The following CPEB2 variants were observed in gnomAD, a reference collection of about 807,000 sequenced individuals.
CPEB2 encodes cytoplasmic polyadenylation element-binding protein 2.
In CPEB2, 56 loss-of-function variants were observed where a neutral mutation model predicts 93.6. The observed-to-expected ratio is 0.60, with a 90% CI of 0.48 to 0.75. The LOEUF is 0.75. Ranked by LOEUF, CPEB2 falls within the 30% of genes least tolerant of loss-of-function variation. The probability of loss-of-function intolerance (pLI) is 0.00; values close to 1 mark genes in which losing one functional copy is unlikely to be tolerated. For synonymous variants in CPEB2, 764 were observed against 586.3 expected (o/e 1.30, Z -4.38); for missense variants, 1,579 against 1,395.1 (o/e 1.13, Z -2.10).
intron 11 of CPEB2, among the ~76,000 whole-genome samples, chr4:15,064,283 G>A (rs1729480302): frequency 6.6e-6 from 1 of 152,132 alleles, no homozygotes; most frequent in South Asian, 2.1e-4. Flanking sequence ...TAGTGTTAAT[G>A]AAACTTCCTT....
intron 4 of CPEB2, among the ~76,000 whole-genome samples, chr4:15,024,305 G>A (rs565002016): frequency 6.6e-6 from 1 of 151,880 alleles, no homozygotes; most frequent in East Asian, 1.9e-4. Flanking sequence ...TGTTGGACCT[G>A]TATTACCTTC....
At chr4:15,064,977 C>A (rs1033619257) in intron 11 of CPEB2, among the ~76,000 whole-genome samples, 3 of 151,928 alleles carry the variant, frequency 2.0e-5, no homozygotes, top group African/African-American at 7.3e-5. Flanking sequence ...AGAAAATATG[C>A]AAAAGATACA....
chr4:15,004,616 T>A (rs942217611), intron 1 of CPEB2, among the ~76,000 whole-genome samples: 6 of 151,552 alleles, frequency 4.0e-5, no homozygotes, highest in Non-Finnish European at 7.4e-5. Flanking sequence ...CCCTCGAACG[T>A]CCCGGCGCAG....
chr4:15,003,330 C>T lies in CPEB2; in HGVS notation c.657C>T (p.Leu219=). ...CGCCGCCGCCAGCCGGCCCGCTCCT[C>T]CAGCCGGCGCAGCTCGCTCAGCGCC... The part of the protein sequence containing the change: ...SPPPPPAGPL[L]QPAQLAQRQQ... Residue 219 remains leucine, a synonymous_variant, in exon 1 of 12, where the codon CTC becomes CTT. Transcript: ENST00000538197. The T allele has an allele frequency of 7.1e-7, 1 of 1,405,758 alleles. No homozygotes were observed. Among genetic ancestry groups the T allele is most frequent in the Non-Finnish European group, 9.1e-7 (1 of 1,093,822 alleles). 87.1% of individuals were successfully genotyped at this position (1,405,758 alleles called of 1,614,324 possible). A position where few individuals can be genotyped will look rare whatever the true frequency, so the allele number is the denominator to read the frequency against.
chr4:15,007,883 A>G (rs915141890), intron 2 of CPEB2, among the ~76,000 whole-genome samples: 2 of 152,200 alleles, frequency 1.3e-5, no homozygotes, highest in Admixed American at 6.5e-5. Context: ...GCTTTAATTT[A>G]TAAATTCTAA....
At chr4:15,017,120 AGT>A in intron 3 of CPEB2, 66 bp from the exon 4 acceptor site, 1 of 804,748 alleles carries the variant, frequency 1.2e-6, no homozygotes, top group Non-Finnish European at 2.1e-6. Context: ...GAATTTAGAT[AGT>A]GTTTTATAAT....
chr4:15,029,230 T>G (rs1725825643), intron 4 of CPEB2, among the ~76,000 whole-genome samples: 1 of 152,008 alleles, frequency 6.6e-6, no homozygotes, highest in South Asian at 2.1e-4. Context: ...ATTTTGGAAT[T>G]TTTTTTTCCT....
At chr4:15,031,877 A>C (rs558747705) in intron 4 of CPEB2, among the ~76,000 whole-genome samples, 1 of 152,238 alleles carries the variant, frequency 6.6e-6, no homozygotes, top group Admixed American at 6.5e-5. Flanking sequence ...TCCATCTTAC[A>C]TGTGGGCCTG....
intron 5 of CPEB2, among the ~76,000 whole-genome samples, chr4:15,038,495 G>A (rs1250711536): frequency 6.6e-6 from 1 of 152,102 alleles, no homozygotes; most frequent in Non-Finnish European, 1.5e-5. Context: ...CCAGGGATAA[G>A]CAGGAAGCCC....
At chr4:15,035,750 T>C (rs183190127) in intron 5 of CPEB2, among the ~76,000 whole-genome samples, 49 of 152,280 alleles carry the variant, frequency 3.2e-4, no homozygotes, top group African/African-American at 1.2e-3. Flanking sequence ...AAAATAACTC[T>C]CTGAGGCACT....
At chr4:15,011,873 AT>A (rs912176867) in intron 3 of CPEB2, among the ~76,000 whole-genome samples, 5 of 152,054 alleles carry the variant, frequency 3.3e-5, no homozygotes, top group Admixed American at 6.6e-5. Flanking sequence ...TCAACTCTCA[AT>A]TTTTGCTCTT....
intron 6 of CPEB2, 42 bp downstream of exon 6, chr4:15,040,529 G>A (rs1727064222): frequency 8.7e-6 from 13 of 1,500,318 alleles, no homozygotes; most frequent in Non-Finnish European, 9.9e-6. Flanking sequence ...GTTTCTAATG[G>A]GGTTTACTGA....
intron 10 of CPEB2, among the ~76,000 whole-genome samples, chr4:15,061,078 A>T (rs953465290): frequency 6.6e-6 from 1 of 152,168 alleles, no homozygotes; most frequent in Non-Finnish European, 1.5e-5. Flanking sequence ...GAAGATTATG[A>T]GTTCCATTTT....
intron 11 of CPEB2, among the ~76,000 whole-genome samples, chr4:15,064,149 C>CTGA (rs1056141735): frequency 8.4e-4 from 128 of 152,180 alleles, no homozygotes; most frequent in African/African-American, 3.0e-3. Context: ...TAGTTCCTAT[C>CTGA]TGATAGCTGG....
chr4:15,029,784 AAC>A (rs1213424988), intron 4 of CPEB2, among the ~76,000 whole-genome samples: 1 of 152,102 alleles, frequency 6.6e-6, no homozygotes, highest in Non-Finnish European at 1.5e-5. Flanking sequence ...TTATCCTGAA[AAC>A]ACAGTTTTTG....
At chr4:15,044,963 T>C (rs1194037687) in intron 6 of CPEB2, among the ~76,000 whole-genome samples, 1 of 152,226 alleles carries the variant, frequency 6.6e-6, no homozygotes, top group Non-Finnish European at 1.5e-5. Flanking sequence ...TTATACATTT[T>C]AGGTAGCAAA....
At chr4:15,018,058 ATATT>A (rs1472940522) in intron 4 of CPEB2, among the ~76,000 whole-genome samples, 1 of 151,882 alleles carries the variant, frequency 6.6e-6, no homozygotes, top group Non-Finnish European at 1.5e-5. Flanking sequence ...ACAGCAATAA[ATATT>A]TATTACCTTA....
At chr4:15,048,605 T>A (rs957989583) in intron 6 of CPEB2, among the ~76,000 whole-genome samples, 2 of 152,060 alleles carry the variant, frequency 1.3e-5, no homozygotes, top group African/African-American at 4.8e-5. Context: ...ACTTTCTTTG[T>A]ATTTTATTTG....
chr4:15,050,461 G>A (rs1336311015), intron 6 of CPEB2, among the ~76,000 whole-genome samples: 2 of 152,130 alleles, frequency 1.3e-5, no homozygotes, highest in Non-Finnish European at 2.9e-5. Context: ...AATACTGAAA[G>A]AAAAACAACT....
Sources: allele counts gnomAD v4.1 joint callset (sites outside exome capture counted in the v4.1 genomes callset), GRCh38; gene constraint gnomAD v4.1.1; transcripts MANE v1.5; gene names NCBI Gene and HGNC (gene_info 2026-07-23, HGNC 2026-07-21).